The following COL4A4 variants were observed in gnomAD, a reference collection of about 807,000 sequenced individuals.
COL4A4 encodes collagen alpha-4(IV) chain.
Under a neutral mutation model 192.9 loss-of-function variants are expected in COL4A4, and 105 were observed. That is an observed-to-expected ratio of 0.54 (90% CI 0.46 to 0.64). The LOEUF (loss-of-function observed/expected upper bound fraction) is 0.64, where lower values mean the gene tolerates loss of function less well. Among genes scored for constraint, COL4A4 ranks in the 30% least tolerant of loss-of-function variants. The probability of loss-of-function intolerance (pLI) is 0.00; values close to 1 mark genes in which losing one functional copy is unlikely to be tolerated. For missense variants in COL4A4, 1,967 were observed against 2,169.3 expected, an observed-to-expected ratio of 0.91 and a Z score of 1.85; for synonymous variants, 762 against 769.9, an observed-to-expected ratio of 0.99 and a Z score of 0.17.
At chr2:227,118,606 A>G (rs1193591752) in intron 7 of COL4A4, 39 bp downstream of exon 7, 3 of 1,448,746 alleles carry the variant, frequency 2.1e-6, no homozygotes, top group Non-Finnish European at 2.9e-6. Flanking sequence ...GGGCCTGTTC[A>G]CTTAAGATTC....
chr2:227,105,929 A>C (rs2060812058), intron 12 of COL4A4, among the ~76,000 whole-genome samples: 1 of 152,152 alleles, frequency 6.6e-6, no homozygotes. Context: ...TGAATAGATA[A>C]TATACATAAA....
chr2:227,085,385 A>C (rs1379779433), intron 22 of COL4A4, among the ~76,000 whole-genome samples: 2 of 152,182 alleles, frequency 1.3e-5, no homozygotes, highest in Non-Finnish European at 2.9e-5. Context: ...TTAATAACTC[A>C]AAAACAAACA....
chr2:227,084,726 T>C (rs1406952054), intron 22 of COL4A4, among the ~76,000 whole-genome samples: 2 of 152,166 alleles, frequency 1.3e-5, no homozygotes, highest in East Asian at 1.9e-4. Flanking sequence ...AAGCGATTCC[T>C]GGGGCAAAGG....
chr2:227,105,742 G>A (rs10182325), intron 12 of COL4A4, among the ~76,000 whole-genome samples: 85,309 of 151,870 alleles, frequency 0.56, 24,465 homozygotes, highest in Middle Eastern at 0.67. Flanking sequence ...TCATAGTTAA[G>A]AACAGGCTAT....
intron 12 of COL4A4, 71 bp from the exon 13 acceptor site, chr2:227,104,123 G>C (rs2060680373): frequency 8.0e-7 from 1 of 1,249,070 alleles, no homozygotes; most frequent in Non-Finnish European, 1.2e-6. Flanking sequence ...CCCATGTATT[G>C]TGGTATAATG....
At chr2:227,070,118 A>C (rs2058620441) in intron 25 of COL4A4, among the ~76,000 whole-genome samples, 1 of 152,242 alleles carries the variant, frequency 6.6e-6, no homozygotes, top group Non-Finnish European at 1.5e-5. Flanking sequence ...CAATGAAAAA[A>C]TGCTCACCAT....
intron 25 of COL4A4, among the ~76,000 whole-genome samples, chr2:227,070,704 C>T (rs1335063532): frequency 4.3e-5 from 5 of 115,656 alleles, no homozygotes; most frequent in Non-Finnish European, 6.6e-5. Flanking sequence ...GAACATCACA[C>T]TCTGGGGACT....
At chr2:227,045,851 C>T (rs868477478) in intron 35 of COL4A4, among the ~76,000 whole-genome samples, 3,539 of 38,830 alleles carry the variant, frequency 0.091, 745 homozygotes, top group South Asian at 0.18. Flanking sequence ...TATATATACA[C>T]ATATATATAT....
At chr2:226,994,919 A>T in the COL4A4 span, among the ~76,000 whole-genome samples, 1 of 151,898 alleles carries the variant, frequency 6.6e-6, no homozygotes, top group Non-Finnish European at 1.5e-5. Context: ...CAGTATGGTA[A>T]CTCTGCTCCA....
chr2:227,025,822 C>A lies in COL4A4; in HGVS notation c.4082-12G>T. The A allele has an allele frequency of 6.2e-7, 1 of 1,612,306 alleles. No individual in the cohort carries two copies. The highest frequency in any genetic ancestry group is 1.1e-5 in the South Asian group (1 of 90,842). ...CTTACCTCTGGGACCTAGAGGGATC[C>A]AAAGACAACAAACGAGGCCAGTCCA... On this transcript the variant is annotated splice_polypyrimidine_tract_variant and intron_variant, in intron 42 of 47. Coordinates refer to ENST00000396625, the MANE Select transcript of COL4A4 (RefSeq NM_000092.5).
intron 1 of COL4A4, among the ~76,000 whole-genome samples, chr2:227,160,544 A>AC (rs903864271): frequency 1.3e-5 from 2 of 151,798 alleles, no homozygotes; most frequent in African/African-American, 4.8e-5. Flanking sequence ...TAAACAGAGG[A>AC]CCCCCACCCC....
At chr2:227,039,994 C>A (rs1970457316) in intron 37 of COL4A4, among the ~76,000 whole-genome samples, 2 of 152,250 alleles carry the variant, frequency 1.3e-5, no homozygotes, top group African/African-American at 4.8e-5. Context: ...AACTCTTCAA[C>A]ATAAATGGCT....
chr2:227,001,038 T>G (rs1960819680), downstream of COL4A4, among the ~76,000 whole-genome samples: 2 of 152,122 alleles, frequency 1.3e-5, no homozygotes, highest in African/African-American at 4.8e-5. Context: ...TGAAAATTTA[T>G]CAGCAGCATG....
downstream of COL4A4, among the ~76,000 whole-genome samples, chr2:227,001,705 T>G (rs984049059): frequency 1.3e-5 from 2 of 152,154 alleles, no homozygotes; most frequent in Non-Finnish European, 2.9e-5. Context: ...AAAGCTCAGT[T>G]TCCTTGTCTG....
At chr2:227,041,784 AAGG>A (rs1326786249) in intron 37 of COL4A4, among the ~76,000 whole-genome samples, 550 of 52,124 alleles carry the variant, frequency 0.011, 35 homozygotes, top group African/African-American at 0.016. Context: ...GGAAGGAAGG[AAGG>A]GAAAGAAAGA....
At chr2:227,042,286 C>G in intron 36 of COL4A4, 31 bp from the exon 37 acceptor site, 2 of 1,261,134 alleles carry the variant, frequency 1.6e-6, no homozygotes, top group Non-Finnish European at 1.2e-6. Context: ...TTGCAGATGG[C>G]CAGATAATAA....
chr2:226,972,922 C>G, the COL4A4 span, among the ~76,000 whole-genome samples: 1 of 133,794 alleles, frequency 7.5e-6, no homozygotes, highest in Non-Finnish European at 1.6e-5. Flanking sequence ...AGGAAGGAAG[C>G]CTGTAGCAAA....
At chr2:227,021,913 C>CA (rs1966086701) in intron 44 of COL4A4, 135 bp downstream of exon 44, 1 of 996,232 alleles carries the variant, frequency 1.0e-6, no homozygotes, top group African/African-American at 1.6e-5. Flanking sequence ...AAGGTAGAAA[C>CA]AAATTGCAAA....
At chr2:227,010,705 A>G (rs745378353) in intron 45 of COL4A4, among the ~76,000 whole-genome samples, 7 of 152,220 alleles carry the variant, frequency 4.6e-5, no homozygotes, top group Non-Finnish European at 1.0e-4. Flanking sequence ...TGTTCCAAGC[A>G]ACTCCTAGAT....
Sources: allele counts gnomAD v4.1 joint callset (sites outside exome capture counted in the v4.1 genomes callset), GRCh38; gene constraint gnomAD v4.1.1; transcripts MANE v1.5; gene names NCBI Gene and HGNC (gene_info 2026-07-23, HGNC 2026-07-21).